The following STK39 variants were observed in gnomAD, a reference collection of about 807,000 sequenced individuals.
STK39 encodes serine/threonine kinase 39.
A neutral mutation model predicts 77.8 loss-of-function variants in STK39; 20 were observed. The observed-to-expected ratio is 0.26, with a 90% CI of 0.18 to 0.37. STK39 has a LOEUF of 0.37. Among genes scored for constraint, STK39 ranks in the 10% least tolerant of loss-of-function variants. The pLI is 1.00. For missense variants in STK39, 479 were observed against 656.5 expected, an observed-to-expected ratio of 0.73 and a Z score of 2.95; for synonymous variants, 246 against 234.1, an observed-to-expected ratio of 1.05 and a Z score of -0.47.
chr2:167,962,339 T>G (rs1692006882), intron 17 of STK39, among the ~76,000 whole-genome samples: 1 of 152,204 alleles, frequency 6.6e-6, no homozygotes, highest in African/African-American at 2.4e-5. Context: ...TAGTGTCCTA[T>G]GCAAGATCAG....
At chr2:168,201,905 T>C (rs1559143907) in intron 1 of STK39, among the ~76,000 whole-genome samples, 1 of 152,240 alleles carries the variant, frequency 6.6e-6, no homozygotes, top group Non-Finnish European at 1.5e-5. Context: ...AATAAAAAGA[T>C]ATCTCTAGTT....
At chr2:168,108,880 C>T (rs1023174597) in intron 10 of STK39, among the ~76,000 whole-genome samples, 2 of 152,168 alleles carry the variant, frequency 1.3e-5, no homozygotes, top group South Asian at 2.1e-4. Context: ...AAGAAAAAGA[C>T]AACAAAAGCT....
intron 2 of STK39, among the ~76,000 whole-genome samples, chr2:168,179,415 C>T (rs939270754): frequency 2.6e-5 from 4 of 151,914 alleles, no homozygotes; most frequent in Admixed American, 2.0e-4. Flanking sequence ...TGTTTGAAAA[C>T]GACCTGGGAG....
intron 12 of STK39, among the ~76,000 whole-genome samples, chr2:168,072,381 C>G (rs2105399804): frequency 6.6e-6 from 1 of 152,178 alleles, no homozygotes; most frequent in South Asian, 2.1e-4. Flanking sequence ...AATCATTATT[C>G]TATGTCTCTT....
At chr2:168,048,265 T>C (rs1685298527) in intron 14 of STK39, among the ~76,000 whole-genome samples, 2 of 151,572 alleles carry the variant, frequency 1.3e-5, no homozygotes, top group Non-Finnish European at 2.9e-5. Flanking sequence ...CAGGCTGAAG[T>C]ATAATGGCAC....
intron 10 of STK39, among the ~76,000 whole-genome samples, chr2:168,118,715 A>AC (rs1197414949): frequency 6.6e-6 from 1 of 151,326 alleles, no homozygotes; most frequent in Non-Finnish European, 1.5e-5. Context: ...TGCCTAATTC[A>AC]CCCCCAGTGC....
intron 10 of STK39, among the ~76,000 whole-genome samples, chr2:168,095,987 C>T (rs115687912): frequency 1.3e-5 from 2 of 152,072 alleles, no homozygotes; most frequent in Non-Finnish European, 2.9e-5. Flanking sequence ...ATAACTGAAG[C>T]AGAAACCTTA....
At chr2:168,200,062 A>AG (rs1224715400) in intron 1 of STK39, among the ~76,000 whole-genome samples, 1 of 152,210 alleles carries the variant, frequency 6.6e-6, no homozygotes, top group East Asian at 1.9e-4. Flanking sequence ...AGCAACAACC[A>AG]GAACGACCAA....
intron 14 of STK39, among the ~76,000 whole-genome samples, chr2:168,037,200 G>C (rs1436511403): frequency 6.6e-6 from 1 of 152,178 alleles, no homozygotes; most frequent in African/African-American, 2.4e-5. Flanking sequence ...TGGGTATTTT[G>C]AGATTTGGCT....
chr2:168,125,351 C>A (rs1285245899), intron 10 of STK39, among the ~76,000 whole-genome samples: 1 of 152,090 alleles, frequency 6.6e-6, no homozygotes, highest in Admixed American at 6.5e-5. Context: ...GCTTTCAAAC[C>A]CCAAGACATG....
intron 2 of STK39, among the ~76,000 whole-genome samples, chr2:168,174,957 T>C (rs959810943): frequency 2.0e-5 from 3 of 152,024 alleles, no homozygotes; most frequent in Middle Eastern, 3.2e-3. Context: ...TGTATTTGGG[T>C]TCACCACCAC....
At chr2:167,979,889 G>A (rs1016203496) in intron 16 of STK39, among the ~76,000 whole-genome samples, 2 of 152,186 alleles carry the variant, frequency 1.3e-5, no homozygotes, top group African/African-American at 4.8e-5. Flanking sequence ...ATTTCTAGAG[G>A]CACAAAGCAA....
intron 10 of STK39, among the ~76,000 whole-genome samples, chr2:168,099,245 G>C (rs979974098): frequency 6.6e-6 from 1 of 152,178 alleles, no homozygotes. Context: ...ATAAGTGATG[G>C]GGTGATTCAT....
intron 14 of STK39, among the ~76,000 whole-genome samples, chr2:168,059,578 C>T (rs1685609577): frequency 1.3e-5 from 2 of 152,266 alleles, no homozygotes; most frequent in Non-Finnish European, 1.5e-5. Context: ...ATTCTGCCAG[C>T]AGCCTAAAAA....
At chr2:168,076,785 G>A (rs1686090317) in intron 10 of STK39, among the ~76,000 whole-genome samples, 1 of 151,808 alleles carries the variant, frequency 6.6e-6, no homozygotes, top group Admixed American at 6.6e-5. Context: ...TTTGGGCTTG[G>A]CATCAGATAT....
At chr2:168,211,849 C>A (rs996394544) in intron 1 of STK39, among the ~76,000 whole-genome samples, 11 of 152,208 alleles carry the variant, frequency 7.2e-5, no homozygotes, top group Non-Finnish European at 1.3e-4. Flanking sequence ...AAAATTCTGA[C>A]ACAAACACTC....
At chr2:168,232,495 A>T (rs965230953) in intron 1 of STK39, among the ~76,000 whole-genome samples, 1 of 152,250 alleles carries the variant, frequency 6.6e-6, no homozygotes, top group Non-Finnish European at 1.5e-5. Context: ...ACGAGCATCC[A>T]ACTGTAACTT....
In STK39 at chr2:168,077,061, T is replaced by C. The variant is rs181154826; in HGVS notation, c.1090-1830A>G. Reference sequence around the variant, plus strand: ...AGAGAAACATATGTTAATGACTACATTGAAAAGGAAGAATTTAAAGCCACA... The same window carrying C: ...AGAGAAACATATGTTAATGACTACACTGAAAAGGAAGAATTTAAAGCCACA... On this transcript the variant is annotated intron_variant, in intron 10 of 17. Coordinates refer to ENST00000355999, the MANE Select transcript of STK39 (RefSeq NM_013233.3). Among the ~76,000 whole-genome samples the C allele has an allele frequency of 7.2e-5, 11 of 152,240 alleles. No homozygotes were observed. The East Asian group carries it at 2.1e-3, about 29-fold the overall frequency.
chr2:167,977,657 G>A (rs34964027), intron 16 of STK39, among the ~76,000 whole-genome samples: 84,157 of 151,610 alleles, frequency 0.56, 24,632 homozygotes, highest in African/African-American at 0.67. Flanking sequence ...AATGAGTAAG[G>A]ATTCTATAGG....
Sources: allele counts gnomAD v4.1 joint callset (sites outside exome capture counted in the v4.1 genomes callset), GRCh38; gene constraint gnomAD v4.1.1; transcripts MANE v1.5; gene names NCBI Gene and HGNC (gene_info 2026-07-23, HGNC 2026-07-21).